STK3: variants seen among roughly 807,000 people sequenced by gnomAD.
STK3 encodes serine/threonine-protein kinase 3.
A neutral mutation model predicts 58.0 loss-of-function variants in STK3; 41 were observed. The observed-to-expected ratio is 0.71, with a 90% CI of 0.55 to 0.92. The LOEUF is 0.92. STK3 is among the 40% of genes least tolerant of loss of function. The pLI is 0.00. For missense variants in STK3, 479 were observed against 602.7 expected (o/e 0.79, Z 2.15); for synonymous variants, 170 against 191.0 (o/e 0.89, Z 0.91).
In STK3 at chr8:98,738,103, A is replaced by G. The variant is rs1254827856; in HGVS notation, c.351+11173T>C. On this transcript the variant is annotated intron_variant, in intron 4 of 10. Coordinates refer to ENST00000419617, the MANE Select transcript of STK3 (RefSeq NM_006281.4). ...CTATGATCATGCATTGGAAAATATTAGTTAACACAAATTATGAGTTAAATG... is the reference window on the plus strand; with the variant it reads ...CTATGATCATGCATTGGAAAATATTGGTTAACACAAATTATGAGTTAAATG... Among the ~76,000 whole-genome samples the G allele has an allele frequency of 2.0e-5, 3 of 152,374 alleles. No individual in the cohort carries two copies. In the East Asian group the frequency reaches 5.8e-4, roughly 29 times the overall value.
intron 3 of STK3, among the ~76,000 whole-genome samples, chr8:98,761,013 T>C (rs1024888475): frequency 3.9e-5 from 6 of 152,162 alleles, no homozygotes; most frequent in African/African-American, 1.4e-4. Context: ...CCAAATGTTC[T>C]ATTCATAACA....
chr8:98,766,466 A>G (rs974394159), intron 3 of STK3, among the ~76,000 whole-genome samples: 3 of 152,230 alleles, frequency 2.0e-5, no homozygotes, highest in Admixed American at 6.5e-5. Context: ...AGTCCAGGCT[A>G]TAGTGCAGTG....
chr8:98,585,678 A>T (rs1814481330), intron 7 of STK3, among the ~76,000 whole-genome samples: 1 of 151,570 alleles, frequency 6.6e-6, no homozygotes. Context: ...TCTGTAAATT[A>T]CCTTGGGCAG....
At chr8:98,777,664 T>C (rs1432569663) in intron 1 of STK3, among the ~76,000 whole-genome samples, 1 of 152,126 alleles carries the variant, frequency 6.6e-6, no homozygotes, top group African/African-American at 2.4e-5. Flanking sequence ...CTTAACAGAA[T>C]AGGAAATCAC....
chr8:98,825,088 G>A (rs1350232814), intron 1 of STK3, among the ~76,000 whole-genome samples: 2 of 152,186 alleles, frequency 1.3e-5, no homozygotes, highest in Non-Finnish European at 1.5e-5. Context: ...AAACTATATT[G>A]GGGGAGGGGG....
intron 10 of STK3, among the ~76,000 whole-genome samples, chr8:98,459,523 G>A (rs536169630): frequency 8.0e-4 from 122 of 152,342 alleles, no homozygotes; most frequent in Non-Finnish European, 1.5e-3. Flanking sequence ...AGAAATCTGC[G>A]TTAAGTAATA....
intron 6 of STK3, among the ~76,000 whole-genome samples, chr8:98,681,897 T>C (rs1311458479): frequency 6.6e-6 from 1 of 152,254 alleles, no homozygotes; most frequent in Non-Finnish European, 1.5e-5. Context: ...AAATTGTAAA[T>C]GCAGTCGACA....
At chr8:98,417,262 C>T (rs1327307498) in intron 3 of STK3, among the ~76,000 whole-genome samples, 1 of 152,092 alleles carries the variant, frequency 6.6e-6, no homozygotes, top group Non-Finnish European at 1.5e-5. Context: ...TGCCTGTAAT[C>T]CCAGAACTTT....
At chr8:98,694,141 A>C (rs1188585167) in intron 6 of STK3, among the ~76,000 whole-genome samples, 1 of 152,158 alleles carries the variant, frequency 6.6e-6, no homozygotes, top group East Asian at 1.9e-4. Flanking sequence ...CATCTATTTA[A>C]ATGCTATGTT....
chr8:98,675,969 A>C (rs534948581), intron 6 of STK3, among the ~76,000 whole-genome samples: 2 of 152,358 alleles, frequency 1.3e-5, no homozygotes, highest in African/African-American at 4.8e-5. Context: ...GTTTCCATCA[A>C]TAGATGCACA....
At chr8:98,710,498 C>T (rs1011300134) in intron 4 of STK3, among the ~76,000 whole-genome samples, 1 of 152,228 alleles carries the variant, frequency 6.6e-6, no homozygotes, top group African/African-American at 2.4e-5. Flanking sequence ...GATTATATCC[C>T]GCGCCTGGCT....
At chr8:98,532,905 G>A (rs1273961887) in intron 9 of STK3, among the ~76,000 whole-genome samples, 18 of 151,850 alleles carry the variant, frequency 1.2e-4, no homozygotes, top group Admixed American at 1.2e-3. Context: ...TACTACTCTG[G>A]ATATGTCATA....
chr8:98,864,078 A>G (rs905472091), intron 3 of STK3, among the ~76,000 whole-genome samples: 4 of 151,626 alleles, frequency 2.6e-5, no homozygotes, highest in African/African-American at 9.7e-5. Context: ...GGGTGCCTGT[A>G]GTCCCAGCTA....
At chr8:98,923,275 G>A (rs571937859) in intron 1 of STK3, among the ~76,000 whole-genome samples, 3 of 152,212 alleles carry the variant, frequency 2.0e-5, no homozygotes, top group Non-Finnish European at 2.9e-5. Context: ...GTTTGTGGGA[G>A]TTATAATAAA....
At chr8:98,820,036 A>G (rs1834786522) in intron 1 of STK3, among the ~76,000 whole-genome samples, 1 of 152,086 alleles carries the variant, frequency 6.6e-6, no homozygotes, top group Admixed American at 6.6e-5. Context: ...ATTCATGAGT[A>G]CTTTCTGCTT....
At position 98,934,181 on chromosome 8, in the gene STK3, G is replaced by A. The variant is rs1159121234; in HGVS notation, c.-79+8197C>T. ...GCAACAGAGCCAGGAAGAATCCAGGGCTTCAGTACAGGGACTTTTCCACTA... is the reference window on the plus strand; with the variant it reads ...GCAACAGAGCCAGGAAGAATCCAGGACTTCAGTACAGGGACTTTTCCACTA... On this transcript the variant is annotated intron_variant, in intron 1 of 1. Coordinates refer to the STK3 transcript ENST00000519420. Among the ~76,000 whole-genome samples the A allele has an allele frequency of 5.3e-5, 8 of 152,164 alleles. No individual in the cohort carries two copies. The East Asian group carries it at 9.7e-4, about 18-fold the overall frequency.
chr8:98,824,256 A>G (rs1835102714), intron 1 of STK3, among the ~76,000 whole-genome samples: 1 of 152,182 alleles, frequency 6.6e-6, no homozygotes, highest in Non-Finnish European at 1.5e-5. Flanking sequence ...ATAAATCACC[A>G]CAGAATTGCT....
At chr8:98,564,135 C>A (rs895880864) in intron 8 of STK3, among the ~76,000 whole-genome samples, 2 of 152,178 alleles carry the variant, frequency 1.3e-5, no homozygotes, top group Admixed American at 6.5e-5. Flanking sequence ...TTATATTTAT[C>A]TCTGGGTCTT....
chr8:98,566,163 T>A (rs990000124), intron 8 of STK3, among the ~76,000 whole-genome samples: 1 of 152,144 alleles, frequency 6.6e-6, no homozygotes, highest in African/African-American at 2.4e-5. Flanking sequence ...AAGGCACTAT[T>A]TCCAATCATG....
Sources: gnomAD v4.1 joint callset for allele counts (sites outside exome capture counted in the v4.1 genomes callset) on GRCh38, gnomAD v4.1.1 for gene constraint, MANE v1.5 for transcripts, NCBI Gene and HGNC (gene_info 2026-07-23, HGNC 2026-07-21) for gene names.